Variants in ZFAND3 observed in about 807,000 individuals in gnomAD.
ZFAND3 encodes zinc finger AN1-type containing 3.
A neutral mutation model predicts 29.6 loss-of-function variants in ZFAND3; 10 were observed. That is an observed-to-expected ratio of 0.34 (90% confidence interval 0.21 to 0.57). The LOEUF (loss-of-function observed/expected upper bound fraction) is 0.57, where lower values mean the gene tolerates loss of function less well. ZFAND3 is among the 20% of genes least tolerant of loss of function. The pLI, the probability that ZFAND3 is intolerant of heterozygous loss-of-function variation, is 0.86. For missense variants in ZFAND3, 230 were observed against 304.5 expected, an observed-to-expected ratio of 0.76 and a Z score of 1.82; for synonymous variants, 128 against 112.6, an observed-to-expected ratio of 1.14 and a Z score of -0.87.
At chr6:37,904,097 A>G (rs1000311291) in intron 1 of ZFAND3, among the ~76,000 whole-genome samples, 10 of 152,200 alleles carry the variant, frequency 6.6e-5, no homozygotes, top group South Asian at 6.2e-4. Context: ...ACCATTAACT[A>G]TAGTGGTGCA....
At chr6:38,023,987 ACCACT>A (rs1351635551) in intron 2 of ZFAND3, among the ~76,000 whole-genome samples, 1 of 151,938 alleles carries the variant, frequency 6.6e-6, no homozygotes, top group Non-Finnish European at 1.5e-5. Context: ...CCTGTGAATA[ACCACT>A]GCACACCAAC....
At chr6:38,064,104 C>T (rs1764295684) in intron 3 of ZFAND3, among the ~76,000 whole-genome samples, 2 of 152,242 alleles carry the variant, frequency 1.3e-5, no homozygotes, top group Middle Eastern at 3.4e-3. Context: ...TCCATTTATA[C>T]CCAATTTTGC....
At chr6:38,014,023 G>C (rs1388188333) in intron 2 of ZFAND3, among the ~76,000 whole-genome samples, 1 of 152,084 alleles carries the variant, frequency 6.6e-6, no homozygotes, top group Non-Finnish European at 1.5e-5. Flanking sequence ...TTTAAGCCCA[G>C]GTATTTATTG....
chr6:38,005,448 A>G (rs1364762702), intron 2 of ZFAND3, among the ~76,000 whole-genome samples: 1 of 152,188 alleles, frequency 6.6e-6, no homozygotes, highest in African/African-American at 2.4e-5. Flanking sequence ...ATCAATAAAA[A>G]CTAACAGTTG....
intron 2 of ZFAND3, among the ~76,000 whole-genome samples, chr6:38,006,809 C>G (rs1471875250): frequency 1.3e-5 from 2 of 151,964 alleles, no homozygotes; most frequent in East Asian, 1.9e-4. Context: ...CACCCCTGCC[C>G]CTCTTCCAGT....
chr6:38,080,309 T>C (rs1366264609), intron 3 of ZFAND3, among the ~76,000 whole-genome samples: 2 of 151,062 alleles, frequency 1.3e-5, no homozygotes, highest in African/African-American at 2.4e-5. Context: ...GTATAATATA[T>C]ATATATATAT....
chr6:38,124,622 C>T lies in ZFAND3; in HGVS notation c.529+7883C>T, dbSNP rs140993367. 9.5e-3 allele frequency among the ~76,000 whole-genome samples: 1,450 copies of T among 152,318 alleles called. 15 individuals are homozygous for T. Among genetic ancestry groups the T allele is most frequent in the African/African-American group, 0.032 (1,330 of 41,568 alleles). On this transcript the variant is annotated intron_variant, in intron 5 of 5. Coordinates refer to ENST00000287218, the MANE Select transcript of ZFAND3 (RefSeq NM_021943.3). ...CCCGGGCCGCTCCGAGTGTGGGGCC[C>T]GCCAAGCCCATGCCCATCTGGAACT...
At chr6:38,145,125 C>T (rs905235513) in intron 5 of ZFAND3, among the ~76,000 whole-genome samples, 1 of 152,210 alleles carries the variant, frequency 6.6e-6, no homozygotes, top group African/African-American at 2.4e-5. Context: ...CTCCTTCCCT[C>T]TGCCCTCCAG....
intron 2 of ZFAND3, among the ~76,000 whole-genome samples, chr6:37,940,066 A>G (rs1213418013): frequency 1.3e-5 from 2 of 152,014 alleles, no homozygotes; most frequent in African/African-American, 2.4e-5. Context: ...CAGTGTGGGG[A>G]GTTAATTGGT....
intron 1 of ZFAND3, among the ~76,000 whole-genome samples, chr6:37,825,278 A>G (rs1263556763): frequency 6.6e-6 from 1 of 152,212 alleles, no homozygotes. Context: ...CGTTCCATTG[A>G]TGTCACTACT....
intron 4 of ZFAND3, among the ~76,000 whole-genome samples, chr6:38,100,684 C>T (rs1765074852): frequency 6.6e-6 from 1 of 152,192 alleles, no homozygotes; most frequent in Non-Finnish European, 1.5e-5. Flanking sequence ...GTAGGCACTC[C>T]AGCCACTTAT....
At chr6:38,149,943 A>G (rs986152763) in intron 5 of ZFAND3, among the ~76,000 whole-genome samples, 2 of 152,192 alleles carry the variant, frequency 1.3e-5, no homozygotes, top group African/African-American at 4.8e-5. Context: ...TGCTGAAAGT[A>G]CAGAAGTATG....
At chr6:37,899,294 C>T (rs939729881) in intron 1 of ZFAND3, among the ~76,000 whole-genome samples, 1 of 152,230 alleles carries the variant, frequency 6.6e-6, no homozygotes, top group Non-Finnish European at 1.5e-5. Context: ...CTTAATTCCA[C>T]TTGCTAGAAT....
intron 2 of ZFAND3, among the ~76,000 whole-genome samples, chr6:37,988,835 G>A (rs973666575): frequency 1.3e-5 from 2 of 152,072 alleles, no homozygotes; most frequent in African/African-American, 4.8e-5. Context: ...GCAGAGAGCA[G>A]CTTCCTGAGT....
At chr6:38,129,162 A>G (rs143708447) in intron 5 of ZFAND3, among the ~76,000 whole-genome samples, 192 of 152,002 alleles carry the variant, frequency 1.3e-3, no homozygotes, top group African/African-American at 4.0e-3. Context: ...TTCTTAGCCC[A>G]CTTTTTGATG....
At chr6:37,882,331 C>T (rs1764911850) in intron 1 of ZFAND3, among the ~76,000 whole-genome samples, 1 of 152,082 alleles carries the variant, frequency 6.6e-6, no homozygotes, top group African/African-American at 2.4e-5. Flanking sequence ...ATTTTGGGGG[C>T]AGTAGTCAAA....
intron 2 of ZFAND3, among the ~76,000 whole-genome samples, chr6:37,982,718 A>G (rs553206508): frequency 1.3e-5 from 2 of 152,214 alleles, no homozygotes; most frequent in Non-Finnish European, 2.9e-5. Flanking sequence ...TTATTATGCT[A>G]TCTATCCTTA....
chr6:37,911,731 A>G (rs976655366), intron 1 of ZFAND3, among the ~76,000 whole-genome samples: 14 of 152,194 alleles, frequency 9.2e-5, no homozygotes, highest in Non-Finnish European at 1.3e-4. Context: ...TATAAGGCAG[A>G]TTTGGAAACA....
intron 2 of ZFAND3, among the ~76,000 whole-genome samples, chr6:38,049,458 G>A (rs1348672912): frequency 3.3e-5 from 5 of 152,160 alleles, no homozygotes; most frequent in Admixed American, 3.3e-4. Context: ...AGGTTACACA[G>A]CAATTAAGAA....
Sources: allele counts gnomAD v4.1 joint callset (sites outside exome capture counted in the v4.1 genomes callset), GRCh38; gene constraint gnomAD v4.1.1; transcripts MANE v1.5; gene names NCBI Gene and HGNC (gene_info 2026-07-23, HGNC 2026-07-21).